Variants in PLXNA4 observed in about 807,000 individuals in gnomAD.
PLXNA4 encodes plexin A4.
In PLXNA4, 44 loss-of-function variants were observed where a neutral mutation model predicts 191.8. The observed-to-expected ratio is 0.23, with a 90% CI of 0.18 to 0.29. PLXNA4 has a LOEUF of 0.29. PLXNA4 is among the 10% of genes least tolerant of loss of function. PLXNA4 has a pLI of 1.00. For missense variants in PLXNA4, 1,800 were observed against 2,488.8 expected, an observed-to-expected ratio of 0.72 and a Z score of 5.89; for synonymous variants, 1,082 against 1,009.5, an observed-to-expected ratio of 1.07 and a Z score of -1.36.
At chr7:132,587,837 G>A (rs1375564552) in intron 2 of PLXNA4, among the ~76,000 whole-genome samples, 2 of 151,682 alleles carry the variant, frequency 1.3e-5, no homozygotes, top group Non-Finnish European at 2.9e-5. Flanking sequence ...TGGTCCATAT[G>A]AATTCATCCT....
chr7:132,261,400 G>C (rs1256849393), intron 4 of PLXNA4, among the ~76,000 whole-genome samples: 1 of 152,246 alleles, frequency 6.6e-6, no homozygotes, highest in Non-Finnish European at 1.5e-5. Flanking sequence ...GGCAGTGTGT[G>C]CACATGTGGG....
chr7:132,147,028 G>A (rs1423400589), intron 27 of PLXNA4, among the ~76,000 whole-genome samples: 3 of 152,158 alleles, frequency 2.0e-5, no homozygotes, highest in Admixed American at 2.0e-4. Context: ...GAGTTCTCAA[G>A]TCACGTCTCA....
chr7:132,516,678 C>G (rs149985765), intron 1 of PLXNA4, among the ~76,000 whole-genome samples: 1 of 152,188 alleles, frequency 6.6e-6, no homozygotes, highest in Non-Finnish European at 1.5e-5. Context: ...AGTGTCCCTG[C>G]CAGGAGTGGT....
chr7:132,436,907 T>C (rs1480614731), intron 3 of PLXNA4, among the ~76,000 whole-genome samples: 2 of 152,122 alleles, frequency 1.3e-5, no homozygotes, highest in African/African-American at 4.8e-5. Flanking sequence ...TCCAGGACAC[T>C]TGTACTATTG....
chr7:132,412,234 T>G (rs1794485388), intron 3 of PLXNA4, among the ~76,000 whole-genome samples: 3 of 152,242 alleles, frequency 2.0e-5, no homozygotes, highest in African/African-American at 7.2e-5. Flanking sequence ...TTATTTTATT[T>G]ATTTGTTTGG....
chr7:132,168,184 G>A (rs552653299), intron 22 of PLXNA4, 120 bp downstream of exon 22: 2 of 1,357,418 alleles, frequency 1.5e-6, no homozygotes, highest in African/African-American at 1.5e-5. Context: ...GGGCTAGTTA[G>A]TGACTTGAAC....
At chr7:132,429,440 T>C (rs1239261646) in intron 3 of PLXNA4, among the ~76,000 whole-genome samples, 1 of 152,174 alleles carries the variant, frequency 6.6e-6, no homozygotes, top group Non-Finnish European at 1.5e-5. Flanking sequence ...GCAATCTCTG[T>C]AGCAACAACT....
At chr7:132,319,020 T>G (rs924103381) in intron 3 of PLXNA4, among the ~76,000 whole-genome samples, 4 of 152,122 alleles carry the variant, frequency 2.6e-5, no homozygotes, top group Non-Finnish European at 5.9e-5. Context: ...AGGGAAGGCA[T>G]GTCCACACGC....
chr7:132,609,911 G>T (rs924652529), intron 2 of PLXNA4, among the ~76,000 whole-genome samples: 14 of 152,166 alleles, frequency 9.2e-5, no homozygotes, highest in Admixed American at 9.2e-4. Context: ...TGAAAAGAGA[G>T]ATGCCCATTT....
At chr7:132,257,955 A>T (rs1426907932) in intron 4 of PLXNA4, among the ~76,000 whole-genome samples, 1 of 152,240 alleles carries the variant, frequency 6.6e-6, no homozygotes, top group Non-Finnish European at 1.5e-5. Flanking sequence ...ATGCAAAGGC[A>T]TCTTTGGCTA....
In PLXNA4 at chr7:132,186,802, G is replaced by T. The variant is rs189940320; in HGVS notation, c.2993+669C>A. 1.2e-3 allele frequency among the ~76,000 whole-genome samples: 184 copies of T among 152,238 alleles called. 2 individuals are homozygous for T. The highest frequency in any genetic ancestry group is 9.9e-3 in the Admixed American group (152 of 15,286). Reference sequence around the variant, plus strand: ...TATAGTTTAATTTTGTAACAAAGATGATAACAGCCTTTTCCTGAAACAAAC... The same window carrying T: ...TATAGTTTAATTTTGTAACAAAGATTATAACAGCCTTTTCCTGAAACAAAC... On this transcript the variant is annotated intron_variant, in intron 15 of 31. Transcript: ENST00000321063.
rs115746922 is a variant in PLXNA4 at position 132,375,668 on chromosome 7, A to C, written c.1372-77446T>G. 2.5e-3 allele frequency among the ~76,000 whole-genome samples: 381 copies of C among 152,294 alleles called. 1 individual carries two copies. The highest frequency in any genetic ancestry group is 8.7e-3 in the African/African-American group (362 of 41,564). ...TTCTGTCTACTTGGGGAAGAGGAGG[A>C]CAGGAAGGACAGATCAAAAAAGGCT... On this transcript the variant is annotated intron_variant, in intron 3 of 31. Transcript: ENST00000321063.
intron 25 of PLXNA4, among the ~76,000 whole-genome samples, chr7:132,151,943 C>T (rs1259425618): frequency 1.2e-4 from 18 of 152,200 alleles, no homozygotes; most frequent in Non-Finnish European, 1.5e-5. Flanking sequence ...CTTACTTTTA[C>T]CCTGTTGGCC....
chr7:132,474,999 A>G (rs1797071816), intron 3 of PLXNA4, among the ~76,000 whole-genome samples: 1 of 152,194 alleles, frequency 6.6e-6, no homozygotes, highest in African/African-American at 2.4e-5. Flanking sequence ...CAAAGGTGAC[A>G]TACGTGTGGA....
At chr7:132,474,648 G>GCA (rs929391680) in intron 3 of PLXNA4, among the ~76,000 whole-genome samples, 8 of 151,184 alleles carry the variant, frequency 5.3e-5, no homozygotes, top group Non-Finnish European at 1.0e-4. Context: ...GCGCGCGCAC[G>GCA]CACACACACA....
At chr7:132,438,796 T>G (rs1346797669) in intron 3 of PLXNA4, among the ~76,000 whole-genome samples, 1 of 152,120 alleles carries the variant, frequency 6.6e-6, no homozygotes, top group Admixed American at 6.5e-5. Flanking sequence ...TCTAATAGCT[T>G]TTTTTTTCAA....
intron 2 of PLXNA4, among the ~76,000 whole-genome samples, chr7:132,590,551 T>G (rs964538591): frequency 6.6e-6 from 1 of 152,150 alleles, no homozygotes; most frequent in East Asian, 1.9e-4. Flanking sequence ...CTGAAGAGCT[T>G]GGAGTCTGAT....
At chr7:132,135,872 A>C (rs1795097297) in intron 30 of PLXNA4, among the ~76,000 whole-genome samples, 1 of 151,988 alleles carries the variant, frequency 6.6e-6, no homozygotes, top group Non-Finnish European at 1.5e-5. Flanking sequence ...GGGAGGCTGG[A>C]TCAAATCAGG....
chr7:132,375,563 TTAAA>T (rs1467209716), intron 3 of PLXNA4, among the ~76,000 whole-genome samples: 1 of 152,098 alleles, frequency 6.6e-6, no homozygotes, highest in Non-Finnish European at 1.5e-5. Flanking sequence ...AGGCAGTTGA[TTAAA>T]TAACCACAGC....
Sources: gnomAD v4.1 joint callset for allele counts (sites outside exome capture counted in the v4.1 genomes callset) on GRCh38, gnomAD v4.1.1 for gene constraint, MANE v1.5 for transcripts, NCBI Gene and HGNC (gene_info 2026-07-23, HGNC 2026-07-21) for gene names.